MAP4: variants seen among roughly 807,000 people sequenced by gnomAD.
The protein encoded by MAP4 is microtubule associated protein 4.
A neutral mutation model predicts 170.2 loss-of-function variants in MAP4; 76 were observed. The ratio of observed to expected loss-of-function variants is 0.45; its 90% CI spans 0.37 to 0.54. MAP4 has a LOEUF of 0.54. MAP4 is among the 20% of genes least tolerant of loss of function. MAP4 has a pLI of 0.00. For synonymous variants in MAP4, 909 were observed against 994.5 expected (o/e 0.91, Z 1.62); for missense variants, 2,506 against 2,748.0 (o/e 0.91, Z 1.97).
intron 10 of MAP4, chr3:47,891,111 G>A: frequency 2.6e-6 from 4 of 1,536,410 alleles, no homozygotes; most frequent in Non-Finnish European, 3.5e-6. Context: ...AGAGCCGTCT[G>A]TCCTGGCTGT....
At chr3:48,059,387 C>T (rs553741536) in intron 1 of MAP4, among the ~76,000 whole-genome samples, 86 of 151,136 alleles carry the variant, frequency 5.7e-4, no homozygotes, top group Middle Eastern at 3.5e-3. Context: ...TGGTGGCGTG[C>T]GCCTGTAGTC....
At chr3:48,016,835 G>A (rs527747220), upstream of MAP4, among the ~76,000 whole-genome samples, 2 of 151,424 alleles carry the variant, frequency 1.3e-5, no homozygotes, top group Admixed American at 6.6e-5. Context: ...AGAATGCAGT[G>A]GCATGATCTC....
At chr3:48,052,449 T>C (rs1024655169) in intron 1 of MAP4, among the ~76,000 whole-genome samples, 2 of 152,132 alleles carry the variant, frequency 1.3e-5, no homozygotes, top group African/African-American at 4.8e-5. Flanking sequence ...CTTGAACTCC[T>C]GGCCTCAAGT....
At chr3:47,963,965 G>C (rs2100073253) in intron 3 of MAP4, among the ~76,000 whole-genome samples, 1 of 152,198 alleles carries the variant, frequency 6.6e-6, no homozygotes, top group Non-Finnish European at 1.5e-5. Flanking sequence ...GAACATTCCA[G>C]GCAGAGAAAA....
chr3:47,898,146 C>T (rs2100028021), intron 10 of MAP4, among the ~76,000 whole-genome samples: 2 of 152,010 alleles, frequency 1.3e-5, no homozygotes, highest in South Asian at 4.2e-4. Context: ...GATTCAGCCT[C>T]ACTAAGAAAA....
chr3:47,864,249 A>T (rs2075258677), intron 17 of MAP4, among the ~76,000 whole-genome samples: 4 of 151,844 alleles, frequency 2.6e-5, no homozygotes, highest in South Asian at 2.1e-4. Context: ...TTTAAAAGAT[A>T]TTTTTTTTGG....
intron 2 of MAP4, among the ~76,000 whole-genome samples, chr3:47,980,199 G>C (rs987765207): frequency 1.3e-5 from 2 of 152,006 alleles, no homozygotes; most frequent in African/African-American, 4.8e-5. Flanking sequence ...TAAAATTCTT[G>C]ATGGGATCTT....
chr3:47,964,271 T>C (rs1212740802), intron 3 of MAP4, among the ~76,000 whole-genome samples: 1 of 152,122 alleles, frequency 6.6e-6, no homozygotes, highest in South Asian at 2.1e-4. Context: ...AGAGACTAAT[T>C]TGGGAAGTTA....
At chr3:47,997,879 C>G (rs1162552804) in intron 2 of MAP4, among the ~76,000 whole-genome samples, 2 of 152,142 alleles carry the variant, frequency 1.3e-5, no homozygotes, top group African/African-American at 4.8e-5. Flanking sequence ...ACTACCAAAG[C>G]TAACTTAAGA....
upstream of MAP4, among the ~76,000 whole-genome samples, chr3:48,018,940 C>G (rs955012926): frequency 2.0e-5 from 3 of 152,196 alleles, no homozygotes; most frequent in African/African-American, 7.2e-5. Context: ...GCTCTCCATG[C>G]TGGTCATCTT....
intron 3 of MAP4, 31 bp downstream of exon 3, chr3:47,977,834 A>T (rs753155569): frequency 1.0e-5 from 15 of 1,489,544 alleles, no homozygotes; most frequent in African/African-American, 2.8e-5. Context: ...TGCATCACCT[A>T]CACATTTGGG....
At chr3:47,998,594 C>G (rs754923768) in intron 2 of MAP4, 44 bp downstream of exon 2, 1 of 1,481,852 alleles carries the variant, frequency 6.7e-7, no homozygotes, top group South Asian at 1.2e-5. Context: ...TAATCCCTAA[C>G]CTGCTTTCTG....
At position 47,912,047 on chromosome 3, in the gene MAP4, C is replaced by T; in HGVS notation, c.2374G>A (p.Asp792Asn). Residue 792 changes from aspartate (D) to asparagine (N), a missense_variant, in exon 9 of 21, where the codon GAC becomes AAC. Physicochemically the swap from Asp to Asn is conservative, Grantham distance 23 (BLOSUM62 1). Transcript: ENST00000683076. ...QPRAGGPSDDDNADKPKGHPF... is the reference protein window; with the variant it reads ...QPRAGGPSDDNNADKPKGHPF... ...TGACCTTTAGGCTTATCTGCATTGT[C>T]ATCATCCGAAGGTCCTCCAGCCCGT... is the stretch of plus-strand genomic sequence containing the variant. The T allele has an allele frequency of 6.5e-7, 1 of 1,536,108 alleles. No individual in the cohort carries two copies. The highest frequency in any genetic ancestry group is 1.4e-5 in the African/African-American group (1 of 73,170).
intron 3 of MAP4, chr3:47,931,944 C>T (rs1004488689): frequency 6.6e-6 from 1 of 152,040 alleles, no homozygotes; most frequent in Non-Finnish European, 1.5e-5. Flanking sequence ...ACAGTTTTAT[C>T]GAGTATAATT....
intron 1 of MAP4, among the ~76,000 whole-genome samples, chr3:48,056,840 TGGG>T (rs1241693290): frequency 2.4e-5 from 1 of 42,048 alleles, no homozygotes; most frequent in Non-Finnish European, 4.5e-5. Flanking sequence ...GGGAGGGAGG[TGGG>T]GGGGGGGTCA....
intron 17 of MAP4, among the ~76,000 whole-genome samples, chr3:47,858,259 T>A (rs976172622): frequency 1.3e-5 from 2 of 151,790 alleles, no homozygotes; most frequent in African/African-American, 4.8e-5. Context: ...GTGATCCGCC[T>A]GCCTCAGGAT....
intron 3 of MAP4, among the ~76,000 whole-genome samples, chr3:47,958,885 T>C (rs1357027983): frequency 1.3e-5 from 2 of 152,140 alleles, no homozygotes; most frequent in Non-Finnish European, 2.9e-5. Flanking sequence ...GGTTTCACCA[T>C]GTTGGCCAGG....
intron 2 of MAP4, among the ~76,000 whole-genome samples, chr3:47,986,678 AACTAT>A (rs2100088922): frequency 6.6e-6 from 1 of 152,102 alleles, no homozygotes; most frequent in Non-Finnish European, 1.5e-5. Context: ...TATTATTATG[AACTAT>A]ACATTTTGGT....
intron 1 of MAP4, among the ~76,000 whole-genome samples, chr3:48,046,610 T>C (rs1293540013): frequency 6.6e-6 from 1 of 152,194 alleles, no homozygotes; most frequent in African/African-American, 2.4e-5. Context: ...CCACATTACT[T>C]CACAGGGTGG....
Sources: gnomAD v4.1 joint callset for allele counts (sites outside exome capture counted in the v4.1 genomes callset) on GRCh38, gnomAD v4.1.1 for gene constraint, MANE v1.5 for transcripts, NCBI Gene and HGNC (gene_info 2026-07-23, HGNC 2026-07-21) for gene names.